Variants in COL22A1 observed in about 807,000 individuals in gnomAD.
COL22A1 encodes collagen alpha-1(XXII) chain.
COL22A1 carries 221 observed loss-of-function variants against 248.9 expected under a neutral mutation model. The ratio of observed to expected loss-of-function variants is 0.89; its 90% CI spans 0.80 to 0.99. The LOEUF (loss-of-function observed/expected upper bound fraction) is 0.99, where lower values mean the gene tolerates loss of function less well. COL22A1 is among the 50% of genes least tolerant of loss of function. The pLI is 0.00. For synonymous variants in COL22A1, 891 were observed against 793.4 expected (o/e 1.12, Z -2.07); for missense variants, 2,240 against 2,179.0 (o/e 1.03, Z -0.56).
chr8:138,871,280 G>C (rs778259677), intron 3 of COL22A1, among the ~76,000 whole-genome samples: 6 of 152,148 alleles, frequency 3.9e-5, no homozygotes, highest in Non-Finnish European at 7.4e-5. Context: ...GACTGCCCCC[G>C]GATGCCCCTC....
intron 1 of COL22A1, among the ~76,000 whole-genome samples, chr8:138,902,363 G>A (rs1223190605): frequency 6.6e-6 from 1 of 152,122 alleles, no homozygotes; most frequent in Non-Finnish European, 1.5e-5. Flanking sequence ...CTGATGGGAG[G>A]GCAGAGAACT....
At chr8:138,857,587 GC>G (rs1216085955) in intron 3 of COL22A1, among the ~76,000 whole-genome samples, 1 of 152,170 alleles carries the variant, frequency 6.6e-6, no homozygotes, top group Non-Finnish European at 1.5e-5. Flanking sequence ...CCTCGAATCT[GC>G]CACCCCATCC....
In COL22A1 at chr8:138,883,218, C is replaced by T. The variant is rs370393121; in HGVS notation, c.-46G>A. On this transcript the variant is annotated 5_prime_UTR_variant, in exon 2 of 65. Coordinates refer to ENST00000303045, the MANE Select transcript of COL22A1 (RefSeq NM_152888.3). ...CAGGCTTCTCTTGGCCAGGAAGAGA[C>T]GCTGTTAGGGTCTACAGCAGCATGG... The T allele has an allele frequency of 5.3e-5, 81 of 1,525,910 alleles. No individual in the cohort carries two copies. Among genetic ancestry groups the T allele is most frequent in the East Asian group, 7.3e-5 (3 of 41,056 alleles). 94.5% of individuals were successfully genotyped at this position (1,525,910 alleles called of 1,614,324 possible). A position where few individuals can be genotyped will look rare whatever the true frequency, so the allele number is the denominator to read the frequency against.
chr8:138,685,225 C>T lies in COL22A1; in HGVS notation c.2950G>A (p.Gly984Arg). 6.2e-7 allele frequency: 1 copy of T among 1,612,864 alleles called. No homozygotes were observed. The change falls in exon 38 of 65, where the codon GGG becomes AGG. Residue 984 changes from glycine to arginine, a missense_variant. Gly to Arg is a moderately radical substitution (Grantham distance 125). Coordinates refer to ENST00000303045, the MANE Select transcript of COL22A1 (RefSeq NM_152888.3). ...APGLPGPPGKGKDGEPGLRGS... is the reference protein window; with the variant it reads ...APGLPGPPGKRKDGEPGLRGS... ...CCACTTACCGGCTCTCCATCCTTCC[C>T]TTTTCCGGGTGGCCCAGGGAGCCCA...
chr8:138,729,868 A>AT (rs1322179507), intron 23 of COL22A1, among the ~76,000 whole-genome samples: 2 of 152,188 alleles, frequency 1.3e-5, no homozygotes, highest in African/African-American at 4.8e-5. Flanking sequence ...CCTTGTCCTG[A>AT]TTACCACACA....
chr8:138,665,013 A>G (rs1296862980), intron 41 of COL22A1, among the ~76,000 whole-genome samples: 2 of 152,188 alleles, frequency 1.3e-5, no homozygotes, highest in Non-Finnish European at 2.9e-5. Context: ...CGAGAGAGCA[A>G]AATGATTTCA....
chr8:138,872,485 G>C (rs1823414612), intron 3 of COL22A1, among the ~76,000 whole-genome samples: 1 of 152,164 alleles, frequency 6.6e-6, no homozygotes, highest in Non-Finnish European at 1.5e-5. Context: ...ATAGAAGTAG[G>C]TGGAGGCCTT....
chr8:138,625,835 A>T (rs887179493), intron 51 of COL22A1, among the ~76,000 whole-genome samples: 1 of 152,244 alleles, frequency 6.6e-6, no homozygotes, highest in African/African-American at 2.4e-5. Flanking sequence ...TATCACAAAT[A>T]GTTAATTAAC....
At position 138,717,314 on chromosome 8, in the gene COL22A1, A is replaced by AT; in HGVS notation, c.2356-446dup. Among the ~76,000 whole-genome samples, 3 of 151,800 alleles carry AT rather than the reference A, an allele frequency of 2.0e-5. No individual in the cohort carries two copies. The East Asian group carries it at 5.8e-4, about 29-fold the overall frequency. On this transcript the variant is annotated intron_variant, in intron 27 of 64. Coordinates refer to ENST00000303045, the MANE Select transcript of COL22A1 (RefSeq NM_152888.3). ...AGGTGCCTGCCACCACGCCCAGCTAATTTTTTGTATTTTTAGTAGAGACAG... is the reference window on the plus strand; with the variant it reads ...AGGTGCCTGCCACCACGCCCAGCTAATTTTTTTGTATTTTTAGTAGAGACAG...
chr8:138,607,719 C>A (rs756673322), intron 57 of COL22A1, among the ~76,000 whole-genome samples: 1 of 152,150 alleles, frequency 6.6e-6, no homozygotes, highest in South Asian at 2.1e-4. Flanking sequence ...TAGATGCCTA[C>A]GGTTATAGTC....
chr8:138,606,465 A>C lies in COL22A1; in HGVS notation c.4033-13T>G, dbSNP rs751893771. The C allele has an allele frequency of 2.2e-5, 35 of 1,612,596 alleles. No individual in the cohort carries two copies. The highest frequency in any genetic ancestry group is 2.7e-5 in the Non-Finnish European group (32 of 1,179,504). The stretch of plus-strand genomic sequence containing the variant: ...TTCCTTTCTGGCCCTGCAAAGAGAA[A>C]ACTGAGAATTAATTCCTCAAGGTCA... On this transcript the variant is annotated splice_polypyrimidine_tract_variant and intron_variant, in intron 57 of 64. Coordinates refer to ENST00000303045, the MANE Select transcript of COL22A1 (RefSeq NM_152888.3).
chr8:138,836,530 C>T (rs1046314675), intron 4 of COL22A1, among the ~76,000 whole-genome samples: 4 of 152,174 alleles, frequency 2.6e-5, no homozygotes, highest in African/African-American at 9.7e-5. Context: ...GGGTCCCTCA[C>T]CTTGAATGAG....
At chr8:138,683,840 G>C (rs1826137015) in intron 39 of COL22A1, among the ~76,000 whole-genome samples, 1 of 152,164 alleles carries the variant, frequency 6.6e-6, no homozygotes, top group Non-Finnish European at 1.5e-5. Context: ...CATAATTCAA[G>C]ACTGCTTAGA....
chr8:138,902,494 G>A (rs544143327), intron 1 of COL22A1, among the ~76,000 whole-genome samples: 3 of 152,084 alleles, frequency 2.0e-5, no homozygotes, highest in South Asian at 2.1e-4. Context: ...TCAGGAGATC[G>A]AGACCATCCT....
chr8:138,798,896 T>G (rs954498143), intron 11 of COL22A1, among the ~76,000 whole-genome samples: 2 of 152,214 alleles, frequency 1.3e-5, no homozygotes, highest in African/African-American at 4.8e-5. Context: ...AAATCTGAGA[T>G]GCCTTCAGCC....
At chr8:138,845,447 G>A (rs6577954) in intron 3 of COL22A1, among the ~76,000 whole-genome samples, 683 of 151,738 alleles carry the variant, frequency 4.5e-3, no homozygotes, top group Non-Finnish European at 7.8e-3. Context: ...AGGCGGAGGC[G>A]GAGGCTGCAG....
At chr8:138,632,348 C>T (rs762096610) in intron 49 of COL22A1, among the ~76,000 whole-genome samples, 9 of 152,144 alleles carry the variant, frequency 5.9e-5, no homozygotes, top group Non-Finnish European at 1.0e-4. Context: ...ACCTATTTTA[C>T]ATGGGTTGTT....
intron 16 of COL22A1, among the ~76,000 whole-genome samples, chr8:138,763,087 A>C (rs939384162): frequency 2.0e-5 from 3 of 151,924 alleles, no homozygotes; most frequent in African/African-American, 4.8e-5. Flanking sequence ...TATGACTCCC[A>C]AAAAAAAGAA....
chr8:138,642,821 G>A (rs146170930), intron 47 of COL22A1, among the ~76,000 whole-genome samples: 1,544 of 152,242 alleles, frequency 0.01, 9 homozygotes, highest in Middle Eastern at 0.058. Context: ...AAGAGGTCAG[G>A]AGTTTGAGAC....
Sources: gnomAD v4.1 joint callset for allele counts (sites outside exome capture counted in the v4.1 genomes callset) on GRCh38, gnomAD v4.1.1 for gene constraint, MANE v1.5 for transcripts, NCBI Gene and HGNC (gene_info 2026-07-23, HGNC 2026-07-21) for gene names.